The following COL27A1 variants were observed in gnomAD, a reference collection of about 807,000 sequenced individuals.
The protein encoded by COL27A1 is collagen alpha-1(XXVII) chain.
In COL27A1, 106 loss-of-function variants were observed where a neutral mutation model predicts 251.3. That is an observed-to-expected ratio of 0.42 (90% CI 0.36 to 0.50). The LOEUF (loss-of-function observed/expected upper bound fraction) is 0.50. COL27A1 is among the 20% of genes least tolerant of loss of function. The probability of loss-of-function intolerance (pLI) is 0.00; values close to 1 mark genes in which losing one functional copy is unlikely to be tolerated. For synonymous variants in COL27A1, 1,000 were observed against 986.3 expected, an observed-to-expected ratio of 1.01 and a Z score of -0.26; for missense variants, 2,325 against 2,522.8, an observed-to-expected ratio of 0.92 and a Z score of 1.68.
rs41278651 is a variant in COL27A1 at position 114,306,639 on chromosome 9, C to T, written c.5058C>T (p.Pro1686=). The change falls in exon 58 of 61, where the codon CCC becomes CCT. Residue 1686 remains proline (P), a synonymous_variant. Transcript: ENST00000356083. ...CGCCCCTGGGCACCAAAGAGAACCC[C>T]GCCCGGGTCTGCAGGGACCTCATGG... ...IKTPLGTKEN[P]ARVCRDLMDC... The T allele has an allele frequency of 5.8e-3, 9,284 of 1,614,148 alleles. 38 individuals are homozygous for T. Among genetic ancestry groups the T allele is most frequent in the Non-Finnish European group, 7.2e-3 (8,480 of 1,180,022 alleles).
intron 3 of COL27A1, among the ~76,000 whole-genome samples, chr9:114,171,821 C>T (rs994903739): frequency 4.6e-5 from 7 of 152,140 alleles, no homozygotes; most frequent in South Asian, 4.1e-4. Flanking sequence ...TCCACAGGCG[C>T]GGTGTCTCCT....
intron 16 of COL27A1, among the ~76,000 whole-genome samples, chr9:114,234,236 T>C (rs890161457): frequency 8.7e-6 from 1 of 114,618 alleles, no homozygotes; most frequent in African/African-American, 3.4e-5. Context: ...AAAAAAAAAG[T>C]CCTGTGGTTC....
At chr9:114,208,509 A>T (rs1233396956) in intron 10 of COL27A1, among the ~76,000 whole-genome samples, 1 of 152,228 alleles carries the variant, frequency 6.6e-6, no homozygotes, top group Non-Finnish European at 1.5e-5. Flanking sequence ...TGTGATAAGG[A>T]TGGAATAAAT....
At chr9:114,189,698 G>A (rs1828617456) in intron 5 of COL27A1, among the ~76,000 whole-genome samples, 2 of 152,082 alleles carry the variant, frequency 1.3e-5, no homozygotes, top group East Asian at 3.9e-4. Context: ...CATAAGCCCT[G>A]CACATTTCTT....
intron 7 of COL27A1, among the ~76,000 whole-genome samples, chr9:114,203,210 C>T (rs1327529130): frequency 6.6e-6 from 1 of 152,190 alleles, no homozygotes; most frequent in African/African-American, 2.4e-5. Flanking sequence ...CTGTCTCATT[C>T]TTCCTGTGCC....
In COL27A1 at chr9:114,311,130, G is replaced by C. The variant is rs1382278958; in HGVS notation, c.*435G>C. 1.9e-5 allele frequency: 3 copies of C among 160,764 alleles called. No homozygotes were observed. Among genetic ancestry groups the C allele is most frequent in the African/African-American group, 7.2e-5 (3 of 41,748 alleles). 10.0% of individuals were successfully genotyped at this position (160,764 alleles called of 1,614,324 possible). A position where few individuals can be genotyped will look rare whatever the true frequency, so the allele number is the denominator to read the frequency against. On this transcript the variant is annotated 3_prime_UTR_variant, in exon 61 of 61. Transcript: ENST00000356083. ...GACATGAAAAAAGGAGAAAAGGAAAGACAGAAGTGTATATATATATTATTT... is the reference window on the plus strand; with the variant it reads ...GACATGAAAAAAGGAGAAAAGGAAACACAGAAGTGTATATATATATTATTT...
In COL27A1 at chr9:114,283,774, T is replaced by C. The variant is rs1263788261; in HGVS notation, c.3933+12T>C. 1.2e-6 allele frequency: 2 copies of C among 1,613,596 alleles called. No individual in the cohort carries two copies. The highest frequency in any genetic ancestry group is 2.2e-5 in the East Asian group (1 of 44,882). ...TGGCTGGTTATGATGTAAGCAGATA[T>C]CACCTCACCCCACCCCCCGACTCTG... On this transcript the variant is annotated intron_variant, in intron 40 of 60. Coordinates refer to ENST00000356083, the MANE Select transcript of COL27A1 (RefSeq NM_032888.4).
At chr9:114,278,566 A>T (rs1320313604) in intron 37 of COL27A1, among the ~76,000 whole-genome samples, 1 of 122,918 alleles carries the variant, frequency 8.1e-6, no homozygotes, top group Non-Finnish European at 1.7e-5. Flanking sequence ...CAGGGGAGTG[A>T]TGATGGTGGT....
At chr9:114,170,428 G>A (rs956212527) in intron 3 of COL27A1, among the ~76,000 whole-genome samples, 4 of 152,086 alleles carry the variant, frequency 2.6e-5, no homozygotes, top group Non-Finnish European at 4.4e-5. Context: ...CTGTTCTCCC[G>A]CCTTGGAGAT....
chr9:114,266,505 A>G lies in COL27A1; in HGVS notation c.3394-60A>G, dbSNP rs1834753136. The G allele has an allele frequency of 2.7e-6, 4 of 1,478,840 alleles. No homozygotes were observed. In the South Asian group the frequency reaches 4.6e-5, roughly 17 times the overall value. The allele number at this position is 1,478,840 out of a possible 1,614,324, so 91.6% of individuals were successfully genotyped here. On this transcript the variant is annotated intron_variant, in intron 32 of 60. Coordinates refer to ENST00000356083, the MANE Select transcript of COL27A1 (RefSeq NM_032888.4). ...TCAGCTCCCTCATTCACCCCTCCAG[A>G]TCCCAAAGAGGGCCCAGGCTGACCT...
chr9:114,181,358 C>G (rs962755339), intron 4 of COL27A1, among the ~76,000 whole-genome samples: 1 of 152,088 alleles, frequency 6.6e-6, no homozygotes, highest in African/African-American at 2.4e-5. Flanking sequence ...TGTTCCTTGC[C>G]GGTGCATTCG....
intron 37 of COL27A1, among the ~76,000 whole-genome samples, chr9:114,281,806 T>C (rs1203522418): frequency 1.3e-5 from 2 of 152,098 alleles, no homozygotes; most frequent in Admixed American, 1.3e-4. Flanking sequence ...CAAAAGTCAC[T>C]GTATCTTTGG....
In COL27A1 at chr9:114,168,111, C is replaced by G; in HGVS notation, c.556C>G (p.His186Asp). The G allele has an allele frequency of 6.2e-7, 1 of 1,612,490 alleles. No individual in the cohort carries two copies. The highest frequency in any genetic ancestry group is 8.5e-7 in the Non-Finnish European group (1 of 1,180,026). ...CCGGGTGCCTGTCCTGCTGCCTTTC[C>G]ACAGGGACCCTGCACTCGACCCTGG... Reference protein sequence around the residue: ...QRRVPVLLPFHRDPALDPGGS... With the variant: ...QRRVPVLLPFDRDPALDPGGS... Residue 186 changes from histidine to aspartate, a missense_variant, in exon 3 of 61, where the codon CAC becomes GAC. By Grantham distance (81) the His-to-Asp change is moderately conservative (BLOSUM62 -1). Around this residue, in one of 4 missense-constraint regions of COL27A1, gnomAD observed 1,183 missense variants for 1,144.1 expected, o/e 1.03. Transcript: ENST00000356083.
chr9:114,286,917 T>C (rs757529738), intron 41 of COL27A1, among the ~76,000 whole-genome samples: 3 of 152,162 alleles, frequency 2.0e-5, no homozygotes, highest in Non-Finnish European at 4.4e-5. Context: ...GCATAGTTAC[T>C]GTGCAGATCG....
At chr9:114,197,336 C>T (rs1050281367) in intron 7 of COL27A1, among the ~76,000 whole-genome samples, 6 of 152,170 alleles carry the variant, frequency 3.9e-5, no homozygotes, top group African/African-American at 1.4e-4. Context: ...CCATTCCCTT[C>T]TCCATGGCCA....
At chr9:114,279,678 C>CAATTA (rs61010535) in intron 37 of COL27A1, among the ~76,000 whole-genome samples, 13 of 151,190 alleles carry the variant, frequency 8.6e-5, no homozygotes, top group East Asian at 2.0e-4. Context: ...GTTTCTATAA[C>CAATTA]AATTAAATTA....
At chr9:114,201,130 C>T (rs570556160) in intron 7 of COL27A1, among the ~76,000 whole-genome samples, 13 of 152,264 alleles carry the variant, frequency 8.5e-5, no homozygotes, top group Admixed American at 3.3e-4. Context: ...AAATATAGAC[C>T]GAGTTCTATT....
rs200237175 is a variant in COL27A1, at chr9:114,222,243, C to A, written c.2442C>A (p.Gly814=). The stretch of plus-strand genomic sequence containing the variant: ...TGCAGGGAGAACTGGGCCTGCCAGG[C>A]CCCCCTGGAGTCCCCGGCCTCATTG... The part of the protein sequence containing the change: ...DGNPGELGLP[G]PPGVPGLIGD... Residue 814 remains glycine, a synonymous_variant, in exon 14 of 61, where the codon GGC becomes GGA. Coordinates refer to ENST00000356083, the MANE Select transcript of COL27A1 (RefSeq NM_032888.4). 2 of 1,613,066 alleles carry A rather than the reference C, an allele frequency of 1.2e-6. No individual in the cohort carries two copies. The highest frequency in any genetic ancestry group is 1.7e-6 in the Non-Finnish European group (2 of 1,179,196).
intron 12 of COL27A1, among the ~76,000 whole-genome samples, chr9:114,214,354 G>A (rs955559905): frequency 2.6e-5 from 4 of 152,346 alleles, no homozygotes; most frequent in Middle Eastern, 6.8e-3. Flanking sequence ...ATTGCAGCTG[G>A]CGTCATTTCT....
Sources: allele counts gnomAD v4.1 joint callset (sites outside exome capture counted in the v4.1 genomes callset), GRCh38; gene constraint gnomAD v4.1.1; regional missense constraint gnomAD v4.1.1; transcripts MANE v1.5; gene names NCBI Gene and HGNC (gene_info 2026-07-23, HGNC 2026-07-21).